EMID1: variants seen among roughly 807,000 people sequenced by gnomAD.
EMID1 encodes the protein EMI domain containing 1.
Under a neutral mutation model 60.6 loss-of-function variants are expected in EMID1, and 40 were observed. The observed-to-expected ratio is 0.66, with a 90% CI of 0.51 to 0.86. The LOEUF (loss-of-function observed/expected upper bound fraction) is 0.86, where lower values mean the gene tolerates loss of function less well. EMID1 is among the 40% of genes least tolerant of loss of function. The probability of loss-of-function intolerance (pLI) is 0.00; values close to 1 mark genes in which losing one functional copy is unlikely to be tolerated. For missense variants in EMID1, 585 were observed against 597.1 expected, an observed-to-expected ratio of 0.98 and a Z score of 0.21; for synonymous variants, 242 against 231.0, an observed-to-expected ratio of 1.05 and a Z score of -0.43.
chr22:29,228,156 CAA>C (rs748240529), intron 5 of EMID1, among the ~76,000 whole-genome samples: 2 of 38,912 alleles, frequency 5.1e-5, no homozygotes. Context: ...AACTCCATCT[CAA>C]AAAAAAAAAA....
chr22:29,208,110 C>A (rs1021258535), intron 1 of EMID1, among the ~76,000 whole-genome samples: 1 of 152,186 alleles, frequency 6.6e-6, no homozygotes, highest in Non-Finnish European at 1.5e-5. Context: ...GGGGTAGGGA[C>A]CTGGAGCTTG....
chr22:29,254,341 C>T, intron 14 of EMID1, 54 bp downstream of exon 14: 4 of 1,555,236 alleles, frequency 2.6e-6, no homozygotes, highest in Admixed American at 3.3e-5. Context: ...TGCCAGCCTT[C>T]CCCAAGCCCT....
chr22:29,218,479 T>C (rs892743756), intron 3 of EMID1, among the ~76,000 whole-genome samples: 1 of 152,024 alleles, frequency 6.6e-6, no homozygotes, highest in African/African-American at 2.4e-5. Context: ...TGGCCTGAGG[T>C]CACTCGGCAG....
chr22:29,230,215 C>G (rs1957237631), intron 5 of EMID1, among the ~76,000 whole-genome samples: 1 of 152,120 alleles, frequency 6.6e-6, no homozygotes, highest in African/African-American at 2.4e-5. Context: ...TGACTGTAAT[C>G]CCAGTTACTC....
chr22:29,220,288 G>A (rs920009891), intron 3 of EMID1, among the ~76,000 whole-genome samples: 8 of 152,110 alleles, frequency 5.3e-5, no homozygotes, highest in Admixed American at 6.5e-5. Context: ...TGCCTGGCAC[G>A]GGCCATGTAT....
At chr22:29,230,909 A>G in intron 5 of EMID1, 111 bp from the exon 6 acceptor site, 1 of 1,402,566 alleles carries the variant, frequency 7.1e-7, no homozygotes. Flanking sequence ...GAGCCGTCAT[A>G]GTACTACTGC....
intron 14 of EMID1, 151 bp from the exon 15 acceptor site, chr22:29,258,666 C>T: frequency 7.9e-7 from 1 of 1,267,894 alleles, no homozygotes; most frequent in Non-Finnish European, 1.1e-6. Flanking sequence ...AATCTGCAGA[C>T]CCCCTTTCCC....
chr22:29,248,247 C>G (rs2041399493), intron 13 of EMID1, among the ~76,000 whole-genome samples: 1 of 144,834 alleles, frequency 6.9e-6, no homozygotes, highest in Non-Finnish European at 1.5e-5. Context: ...GTGTGAGACA[C>G]TGTGCCTGGC....
Position 29,226,320 on chromosome 22 carries a change from C to T in EMID1, c.404-170C>T, listed in dbSNP as rs2146249751. On this transcript the variant is annotated intron_variant, in intron 4 of 14. Transcript: ENST00000334018. ...CCAAAAGGAACCCATAGGGTGAGGT[C>T]CCCCTGGACCCACTGTGATCCTATA... The T allele has an allele frequency of 6.5e-6, 4 of 611,174 alleles. No homozygotes were observed. The South Asian group carries it at 7.8e-5, about 12-fold the overall frequency. 37.9% of individuals were successfully genotyped at this position (611,174 alleles called of 1,614,324 possible). A position where few individuals can be genotyped will look rare whatever the true frequency, so the allele number is the denominator to read the frequency against.
intron 12 of EMID1, among the ~76,000 whole-genome samples, chr22:29,236,036 A>G (rs781047583): frequency 1.3e-5 from 2 of 152,032 alleles, no homozygotes; most frequent in Non-Finnish European, 2.9e-5. Context: ...GTTAGGTCTT[A>G]TTTTTTGGTC....
chr22:29,231,725 C>G, intron 7 of EMID1, 43 bp downstream of exon 7: 1 of 1,427,478 alleles, frequency 7.0e-7, no homozygotes, highest in Non-Finnish European at 9.2e-7. Flanking sequence ...CTGGCCATCC[C>G]CTCCACCAGG....
At chr22:29,235,980 T>C (rs1368554380) in intron 12 of EMID1, among the ~76,000 whole-genome samples, 1 of 152,064 alleles carries the variant, frequency 6.6e-6, no homozygotes, top group Non-Finnish European at 1.5e-5. Context: ...ACATTTAATC[T>C]GTTTTGTGGT....
intron 12 of EMID1, among the ~76,000 whole-genome samples, chr22:29,239,348 C>T (rs932914097): frequency 1.3e-5 from 2 of 149,618 alleles, no homozygotes; most frequent in Admixed American, 1.3e-4. Context: ...CCAGGCTGGT[C>T]TCAAACTCCT....
intron 8 of EMID1, 39 bp from the exon 9 acceptor site, chr22:29,233,340 C>G: frequency 6.2e-7 from 1 of 1,609,390 alleles, no homozygotes; most frequent in South Asian, 1.1e-5. Flanking sequence ...CCACCCCACT[C>G]TACCCAGCTC....
rs1471464049 is a variant in EMID1 at position 29,243,487 on chromosome 22, T to C, written c.1117T>C (p.Trp373Arg). ...GGGAGACCCTGGTGAGAAGAGCCAC[T>C]GGGTAAGCTCTGGCCTGGCACTGGC... Reference protein sequence around the residue: ...PKGDPGEKSHWGEGLHQLREA... With the variant: ...PKGDPGEKSHRGEGLHQLREA... The change falls in exon 13 of 15, where the codon TGG becomes CGG. Residue 373 changes from tryptophan to arginine, a missense_variant and splice_region_variant. Transcript: ENST00000334018. The C allele has an allele frequency of 6.2e-7, 1 of 1,614,162 alleles. No individual in the cohort carries two copies. Among genetic ancestry groups the C allele is most frequent in the Non-Finnish European group, 8.5e-7 (1 of 1,180,010 alleles).
chr22:29,206,064 T>C lies in EMID1; in HGVS notation c.26T>C (p.Leu9Pro), dbSNP rs2039635418. 2.4e-6 allele frequency: 3 copies of C among 1,229,778 alleles called. No individual in the cohort carries two copies. Among genetic ancestry groups the C allele is most frequent in the Admixed American group, 4.2e-5 (1 of 23,620 alleles). 76.2% of individuals were successfully genotyped at this position (1,229,778 alleles called of 1,614,324 possible). A position where few individuals can be genotyped will look rare whatever the true frequency, so the allele number is the denominator to read the frequency against. ...ATGGGCGGCCCGCGGGCTTGGGCGC[T>C]GCTCTGCCTCGGGCTCCTGCTCCCG... Reference protein sequence around the residue: MGGPRAWALLCLGLLLPGG... With the variant: MGGPRAWAPLCLGLLLPGG... The change falls in exon 1 of 15, where the codon CTG (leucine) becomes CCG (proline). Residue 9 changes from leucine (L) to proline (P), a missense_variant. By Grantham distance (98) the Leu-to-Pro change is moderately conservative. Transcript: ENST00000334018.
intron 5 of EMID1, among the ~76,000 whole-genome samples, chr22:29,230,670 G>A (rs1421568363): frequency 2.0e-5 from 3 of 152,156 alleles, no homozygotes; most frequent in Non-Finnish European, 2.9e-5. Flanking sequence ...TGGCCTGTCC[G>A]TGGTGAGACC....
chr22:29,245,941 C>A (rs117005181), intron 13 of EMID1, among the ~76,000 whole-genome samples: 1 of 152,228 alleles, frequency 6.6e-6, no homozygotes, highest in Non-Finnish European at 1.5e-5. Context: ...AGACCTGGAG[C>A]TGGGCACTGT....
At chr22:29,230,052 G>T (rs1008722816) in intron 5 of EMID1, among the ~76,000 whole-genome samples, 6 of 152,202 alleles carry the variant, frequency 3.9e-5, no homozygotes, top group African/African-American at 1.4e-4. Flanking sequence ...TTAGTGAAAG[G>T]CCGGGAGTGG....
Sources: allele counts gnomAD v4.1 joint callset (sites outside exome capture counted in the v4.1 genomes callset), GRCh38; gene constraint gnomAD v4.1.1; transcripts MANE v1.5; gene names NCBI Gene and HGNC (gene_info 2026-07-23, HGNC 2026-07-21).